Variants in SH3TC1 observed in about 807,000 individuals in gnomAD.
The protein encoded by SH3TC1 is SH3 domain and tetratricopeptide repeats 1, also known as SH3 domain and tetratricopeptide repeat-containing protein 1.
A neutral mutation model predicts 117.3 loss-of-function variants in SH3TC1; 135 were observed. That is an observed-to-expected ratio of 1.15 (90% CI 1.00 to 1.33). SH3TC1 has a LOEUF of 1.33. Among genes scored for constraint, SH3TC1 ranks in the 40% most tolerant of loss-of-function variants. The probability of loss-of-function intolerance (pLI) is 0.00; values close to 1 mark genes in which losing one functional copy is unlikely to be tolerated. For missense variants in SH3TC1, 2,092 were observed against 1,794.3 expected (o/e 1.17, Z -3.00); for synonymous variants, 898 against 816.9 (o/e 1.10, Z -1.69).
Position 8,218,366 on chromosome 4 carries a change from C to T in SH3TC1, c.916+19C>T. 1 of 1,592,882 alleles carries T rather than the reference C, an allele frequency of 6.3e-7. No individual in the cohort carries two copies. Among genetic ancestry groups the T allele is most frequent in the South Asian group, 1.1e-5 (1 of 88,866 alleles). ...CTGATGGGTAAGTGTTTCCATGGGCCTCTCTTTTTTGGGGAAATGTGTGTG... is the reference window on the plus strand; with the variant it reads ...CTGATGGGTAAGTGTTTCCATGGGCTTCTCTTTTTTGGGGAAATGTGTGTG... On this transcript the variant is annotated intron_variant, in intron 8 of 17. Coordinates refer to ENST00000245105, the MANE Select transcript of SH3TC1 (RefSeq NM_018986.5).
At chr4:8,216,321 G>A (rs187059321) in intron 6 of SH3TC1, 64 bp downstream of exon 6, 612 of 1,567,056 alleles carry the variant, frequency 3.9e-4, no homozygotes, top group Non-Finnish European at 5.1e-4. Flanking sequence ...GCCATGGGGT[G>A]ACAGCCTGGA....
chr4:8,194,652 C>T (rs374627346), upstream of SH3TC1, among the ~76,000 whole-genome samples: 1 of 152,216 alleles, frequency 6.6e-6, no homozygotes, highest in Non-Finnish European at 1.5e-5. Context: ...CTAAGACTAT[C>T]CCCTCACCCT....
chr4:8,223,041 G>C (rs778016959), intron 10 of SH3TC1, 71 bp downstream of exon 10: 12 of 1,546,814 alleles, frequency 7.8e-6, no homozygotes, highest in Non-Finnish European at 9.6e-6. Context: ...TGCTGCCCTC[G>C]TCCATCCACA....
Position 8,214,559 on chromosome 4 carries a change from T to C in SH3TC1, c.460T>C (p.Phe154Leu). The stretch of plus-strand genomic sequence containing the variant: ...TAAGACTTTTGAAGAAATCTGGAAG[T>C]TTTCCACCTACCATGCTCTCGGTAA... ...TFKTFEEIWK[F>L]STYHALGFTH... Residue 154 changes from phenylalanine to leucine, a missense_variant, in exon 5 of 18, where the codon TTT becomes CTT. Transcript: ENST00000245105. 1.2e-6 allele frequency: 2 copies of C among 1,613,798 alleles called. No individual in the cohort carries two copies. The highest frequency in any genetic ancestry group is 2.2e-5 in the South Asian group (2 of 91,054).
At chr4:8,203,348 C>G (rs904948891) in intron 1 of SH3TC1, among the ~76,000 whole-genome samples, 1 of 152,074 alleles carries the variant, frequency 6.6e-6, no homozygotes, top group East Asian at 1.9e-4. Flanking sequence ...CTCAGTTTCC[C>G]CATCTCTGCA....
At chr4:8,189,666 C>T (rs1465232439) in intron 1 of SH3TC1, among the ~76,000 whole-genome samples, 1 of 152,134 alleles carries the variant, frequency 6.6e-6, no homozygotes, top group South Asian at 2.1e-4. Flanking sequence ...GATTCAGGGC[C>T]GGCGGGGGGC....
rs148439318 is a variant in SH3TC1, at chr4:8,220,447, C to G, written c.1112+917C>G. Among the ~76,000 whole-genome samples the G allele has an allele frequency of 2.3e-3, 350 of 152,302 alleles. 2 individuals are homozygous for G. The highest frequency in any genetic ancestry group is 3.8e-3 in the Admixed American group (58 of 15,302). ...TATGTGATTTACACGCCACCCATGA[C>G]CTGCCTGCTCCCAGCCAGGGAACTC... On this transcript the variant is annotated intron_variant, in intron 9 of 17. Transcript: ENST00000245105.
At chr4:8,204,260 C>T (rs1297695135) in intron 1 of SH3TC1, among the ~76,000 whole-genome samples, 1 of 152,200 alleles carries the variant, frequency 6.6e-6, no homozygotes, top group African/African-American at 2.4e-5. Flanking sequence ...GAATATCTTG[C>T]TGGGCGGGGA....
intron 17 of SH3TC1, among the ~76,000 whole-genome samples, chr4:8,239,370 C>T (rs574768558): frequency 2.0e-4 from 30 of 150,314 alleles, no homozygotes; most frequent in African/African-American, 4.2e-4. Context: ...CACAGGCACA[C>T]GCACACACAG....
intron 9 of SH3TC1, among the ~76,000 whole-genome samples, chr4:8,220,412 C>T (rs1399256565): frequency 2.6e-5 from 4 of 150,966 alleles, no homozygotes; most frequent in African/African-American, 4.9e-5. Context: ...TCTGGCCATA[C>T]GCCTCTTCCT....
At chr4:8,228,745 G>T in intron 12 of SH3TC1, 101 bp downstream of exon 12, 1 of 1,037,140 alleles carries the variant, frequency 9.6e-7, no homozygotes, top group African/African-American at 1.6e-5. Context: ...TTCCACCATC[G>T]AAAGTGCTGA....
intron 1 of SH3TC1, among the ~76,000 whole-genome samples, chr4:8,203,174 G>C (rs1717952997): frequency 6.6e-6 from 1 of 152,252 alleles, no homozygotes; most frequent in South Asian, 2.1e-4. Flanking sequence ...CCCGAGCCGA[G>C]AGCAGTGCGG....
rs1561668605 is a variant in SH3TC1 at position 8,183,181 on chromosome 4, CTG to C, written c.-57+974_-57+975del. 6.6e-6 allele frequency among the ~76,000 whole-genome samples: 1 copy of C among 152,210 alleles called. No homozygotes were observed. The highest frequency in any genetic ancestry group is 2.4e-5 in the African/African-American group (1 of 41,446). On this transcript the variant is annotated intron_variant, in intron 1 of 16. Coordinates refer to the SH3TC1 transcript ENST00000508641. The surrounding 1 kb of genome is among the most constrained non-coding windows in gnomAD (Gnocchi z 5.4). ...GGGCTATAGAATGGTCTGGAGCCCT[CTG>C]TGGCAGCAGCAGCCCCAGGCGAGTT...
intron 10 of SH3TC1, chr4:8,224,950 G>A (rs1281801916): frequency 7.3e-6 from 4 of 551,158 alleles, no homozygotes; most frequent in South Asian, 2.4e-5. Context: ...TCAGGTGTCA[G>A]CAGTGCTCCT....
At chr4:8,240,551 C>T in intron 17 of SH3TC1, 147 bp from the exon 18 acceptor site, 1 of 1,315,110 alleles carries the variant, frequency 7.6e-7, no homozygotes, top group Non-Finnish European at 1.1e-6. Flanking sequence ...CCTCCTGCAG[C>T]TGAGCCCACA....
chr4:8,233,340 C>G, intron 13 of SH3TC1, 23 bp from the exon 14 acceptor site: 1 of 1,588,508 alleles, frequency 6.3e-7, no homozygotes, highest in Non-Finnish European at 8.6e-7. Context: ...AGCCCTTGTT[C>G]TGACACCTGT....
chr4:8,240,900 C>A lies in SH3TC1; in HGVS notation c.3956C>A (p.Pro1319His), dbSNP rs150702535. Residue 1319 changes from proline to histidine, a missense_variant, in exon 18 of 18, where the codon CCT becomes CAT. By Grantham distance (77) the Pro-to-His change is moderately conservative. Transcript: ENST00000245105. ...TELNVRRVNL[P>H]PLPLCGWAPW... ...CTCAACGTCCGCAGGGTCAACCTGC[C>A]TCCTCTGCCACTCTGCGGGTGGGCC... 32 of 1,612,902 alleles carry A rather than the reference C, an allele frequency of 2.0e-5. No individual in the cohort carries two copies. Among genetic ancestry groups the A allele is most frequent in the Non-Finnish European group, 2.7e-5 (32 of 1,180,020 alleles).
Position 8,217,315 on chromosome 4 carries a change from T to C in SH3TC1, c.839+148T>C, listed in dbSNP as rs1000487931. The C allele has an allele frequency of 2.9e-6, 3 of 1,037,730 alleles. No homozygotes were observed. The African/African-American group carries it at 4.7e-5, about 16-fold the overall frequency. The allele number at this position is 1,037,730 out of a possible 1,614,324, so 64.3% of individuals were successfully genotyped here. On this transcript the variant is annotated intron_variant, in intron 7 of 17. Transcript: ENST00000245105. ...GCCTTGTTCTGCTGCTTCCCAGCTG[T>C]GTGGCCTCGGCAATTTGGCCCACCT...
rs757376242 is a variant in SH3TC1 at position 8,240,936 on chromosome 4, C to T, written c.3992C>T (p.Ala1331Val). Reference protein sequence around the residue: ...LPLCGWAPWLAPSHPR With the variant: ...LPLCGWAPWLVPSHPR ...CTCTGCGGGTGGGCCCCCTGGTTGG[C>T]CCCCAGCCACCCTCGCTGAGGACAG... The change falls in exon 18 of 18, where the codon GCC becomes GTC. Residue 1331 changes from alanine to valine, a missense_variant. Transcript: ENST00000245105. 3 of 1,610,714 alleles carry T rather than the reference C, an allele frequency of 1.9e-6. No homozygotes were observed. Among genetic ancestry groups the T allele is most frequent in the Non-Finnish European group, 2.5e-6 (3 of 1,179,954 alleles).
Sources: gnomAD v4.1 joint callset for allele counts (sites outside exome capture counted in the v4.1 genomes callset) on GRCh38, gnomAD v4.1.1 for gene constraint, Gnocchi (gnomAD v3.1) non-coding constraint, MANE v1.5 for transcripts, NCBI Gene and HGNC (gene_info 2026-07-23, HGNC 2026-07-21) for gene names.